SVEP1: variants seen among roughly 807,000 people sequenced by gnomAD.
SVEP1 encodes sushi, von Willebrand factor type A, EGF and pentraxin domain-containing protein 1.
Under a neutral mutation model 367.3 loss-of-function variants are expected in SVEP1, and 164 were observed. That is an observed-to-expected ratio of 0.45 (90% CI 0.39 to 0.51). The LOEUF (loss-of-function observed/expected upper bound fraction) is 0.51, where lower values mean the gene tolerates loss of function less well. SVEP1 is among the 20% of genes least tolerant of loss of function. The pLI, the probability that SVEP1 is intolerant of heterozygous loss-of-function variation, is 0.00. For synonymous variants in SVEP1, 1,666 were observed against 1,611.6 expected (o/e 1.03, Z -0.81); for missense variants, 4,117 against 4,425.3 (o/e 0.93, Z 1.98).
chr9:110,411,033 C>T lies in SVEP1; in HGVS notation c.6648+30G>A, dbSNP rs368754903. On this transcript the variant is annotated intron_variant, in intron 37 of 47. Transcript: ENST00000374469. ...TTTATTATGGGCCCTGTGACAAAAG[C>T]CACAGACCATTTGCTAATTGGTCTC... 7.2e-6 allele frequency: 11 copies of T among 1,520,312 alleles called. No individual in the cohort carries two copies. The African/African-American group carries it at 1.5e-4, about 21-fold the overall frequency. The allele number at this position is 1,520,312 out of a possible 1,614,324, so 94.2% of individuals were successfully genotyped here. A position where few individuals can be genotyped will look rare whatever the true frequency, so the allele number is the denominator to read the frequency against.
chr9:110,409,560 G>A (rs922873854), intron 37 of SVEP1, among the ~76,000 whole-genome samples: 4 of 152,098 alleles, frequency 2.6e-5, no homozygotes, highest in African/African-American at 9.7e-5. Context: ...ATGAGGCAAC[G>A]CTAAAAATGA....
rs1329651754 is a variant in SVEP1, at chr9:110,479,672, T to A, written c.2450A>T (p.Lys817Met). ...ARCDDTDLMK[K>M]FSEAFETTLG... Reference sequence around the variant, plus strand: ...GGTCGTCTCAAATGCTTCAGAAAACTTCTTCATCAGATCTGTGTCATCACA... The same window carrying A: ...GGTCGTCTCAAATGCTTCAGAAAACATCTTCATCAGATCTGTGTCATCACA... The change falls in exon 13 of 48, where the codon AAG (lysine) becomes ATG (methionine). Residue 817 changes from lysine to methionine, a missense_variant. Physicochemically the swap from Lys to Met is moderately conservative, Grantham distance 95. Around this residue, in one of 4 missense-constraint regions of SVEP1, gnomAD observed 2,174 missense variants for 2,494.3 expected, o/e 0.87. Transcript: ENST00000374469. 1 of 1,610,364 alleles carries A rather than the reference T, an allele frequency of 6.2e-7. No homozygotes were observed. The highest frequency in any genetic ancestry group is 1.3e-5 in the African/African-American group (1 of 74,760).
chr9:110,401,895 A>G (rs1431145694), intron 39 of SVEP1, among the ~76,000 whole-genome samples: 1 of 152,062 alleles, frequency 6.6e-6, no homozygotes, highest in Non-Finnish European at 1.5e-5. Flanking sequence ...TATGAATTGG[A>G]TAACAGTGTT....
chr9:110,411,305 G>A lies in SVEP1; in HGVS notation c.6406C>T (p.Pro2136Ser). Residue 2136 changes from proline to serine, a missense_variant, in exon 37 of 48, where the codon CCC becomes TCC. By Grantham distance (74) the Pro-to-Ser change is moderately conservative (BLOSUM62 -1). Coordinates refer to ENST00000374469, the MANE Select transcript of SVEP1 (RefSeq NM_153366.4). ...CMRGGQWNPS[P>S]MSIQCIPVRC... ...ACAGGGATGCACTGGATGGACATGG[G>A]GGAAGGGTTCCACTGCCCACCTCTC... is the stretch of plus-strand genomic sequence containing the variant. The A allele has an allele frequency of 6.2e-7, 1 of 1,614,008 alleles. No homozygotes were observed. The highest frequency in any genetic ancestry group is 1.1e-5 in the South Asian group (1 of 91,074).
Position 110,510,473 on chromosome 9 carries a change from T to C in SVEP1, c.1303+2453A>G, listed in dbSNP as rs185624993. Among the ~76,000 whole-genome samples, 446 of 152,292 alleles carry C rather than the reference T, an allele frequency of 2.9e-3. 3 individuals are homozygous for C. The highest frequency in any genetic ancestry group is 2.8e-3 in the Non-Finnish European group (189 of 68,022). ...GGGGGCAGGTCTGCAGATGCACAGA[T>C]GCACGTGTAGAGGTCACCCCATTCA... On this transcript the variant is annotated intron_variant, in intron 5 of 47. Coordinates refer to ENST00000374469, the MANE Select transcript of SVEP1 (RefSeq NM_153366.4).
intron 43 of SVEP1, 97 bp downstream of exon 43, chr9:110,385,801 G>T: frequency 7.8e-7 from 1 of 1,276,964 alleles, no homozygotes; most frequent in Non-Finnish European, 1.1e-6. Context: ...AGAGATCTAA[G>T]TATCTACAAC....
chr9:110,518,422 A>C (rs1829836374), intron 3 of SVEP1, among the ~76,000 whole-genome samples: 2 of 137,496 alleles, frequency 1.5e-5, no homozygotes, highest in African/African-American at 2.7e-5. Context: ...ACTCCATCTC[A>C]AAAAAAAAAA....
rs1427177370 is a variant in SVEP1 at position 110,550,064 on chromosome 9, A to C, written c.572T>G (p.Val191Gly). ...LHARENSTKV[V>G]FLITDGYSNG... is the part of the protein sequence containing the mutation. ...GGAATATCCATCAGTGATGAGAAATACAACTTTTGTTGAGTTTTCTCTAGC... is the reference window on the plus strand; with the variant it reads ...GGAATATCCATCAGTGATGAGAAATCCAACTTTTGTTGAGTTTTCTCTAGC... The change falls in exon 2 of 48, where the codon GTA becomes GGA. Residue 191 changes from valine to glycine, a missense_variant. Around this residue, in one of 4 missense-constraint regions of SVEP1, gnomAD observed 2,174 missense variants for 2,494.3 expected, o/e 0.87. Transcript: ENST00000374469. 1 of 1,613,990 alleles carries C rather than the reference A, an allele frequency of 6.2e-7. No individual in the cohort carries two copies. The highest frequency in any genetic ancestry group is 8.5e-7 in the Non-Finnish European group (1 of 1,179,870).
At chr9:110,578,832 A>T (rs2084515205) in intron 1 of SVEP1, among the ~76,000 whole-genome samples, 181 bp downstream of exon 1, 1 of 152,098 alleles carries the variant, frequency 6.6e-6, no homozygotes, top group Non-Finnish European at 1.5e-5. Flanking sequence ...CCATTATCCC[A>T]TTGGAACCTC....
chr9:110,484,826 T>G (rs773890587), intron 9 of SVEP1, among the ~76,000 whole-genome samples: 1 of 151,510 alleles, frequency 6.6e-6, no homozygotes, highest in African/African-American at 2.4e-5. Flanking sequence ...AACAAACATA[T>G]GAAAAAAAGC....
chr9:110,565,173 T>C (rs1385737192), intron 1 of SVEP1, among the ~76,000 whole-genome samples: 1 of 152,148 alleles, frequency 6.6e-6, no homozygotes, highest in Non-Finnish European at 1.5e-5. Flanking sequence ...ATGGGCAGTG[T>C]ATGAAAAGAA....
chr9:110,535,609 C>T (rs1830069521), intron 3 of SVEP1, among the ~76,000 whole-genome samples: 1 of 151,882 alleles, frequency 6.6e-6, no homozygotes, highest in Non-Finnish European at 1.5e-5. Context: ...GGAGGTATGG[C>T]CATAGTAATA....
At chr9:110,423,136 T>TA (rs367835046) in intron 36 of SVEP1, among the ~76,000 whole-genome samples, 226 of 73,062 alleles carry the variant, frequency 3.1e-3, no homozygotes, top group Non-Finnish European at 5.0e-3. Context: ...ATAATAATAA[T>TA]AAAAAAAAAA....
chr9:110,430,769 C>A (rs954901), intron 32 of SVEP1, among the ~76,000 whole-genome samples: 22,740 of 152,202 alleles, frequency 0.15, 2,268 homozygotes, highest in East Asian at 0.43. Flanking sequence ...TAGCCTCTTT[C>A]ATCTGTTCCC....
At chr9:110,471,827 T>C (rs1302224196) in intron 15 of SVEP1, among the ~76,000 whole-genome samples, 1 of 152,222 alleles carries the variant, frequency 6.6e-6, no homozygotes, top group Non-Finnish European at 1.5e-5. Flanking sequence ...ATACAATTTG[T>C]TTCAGTCCTC....
At chr9:110,416,986 C>T (rs1463174802) in intron 36 of SVEP1, among the ~76,000 whole-genome samples, 2 of 151,986 alleles carry the variant, frequency 1.3e-5, no homozygotes, top group Non-Finnish European at 2.9e-5. Flanking sequence ...CCTTGGAGGG[C>T]AATATTGTCC....
chr9:110,536,487 T>C (rs1158671879), intron 3 of SVEP1, among the ~76,000 whole-genome samples: 2 of 152,004 alleles, frequency 1.3e-5, no homozygotes, highest in African/African-American at 4.8e-5. Context: ...TCAACATACA[T>C]ATATAACTAA....
chr9:110,449,591 G>T (rs1018071104), intron 24 of SVEP1, among the ~76,000 whole-genome samples: 12 of 152,188 alleles, frequency 7.9e-5, no homozygotes, highest in African/African-American at 2.9e-4. Context: ...GTTGAGGCAG[G>T]AGAATCGCTT....
intron 3 of SVEP1, among the ~76,000 whole-genome samples, chr9:110,534,930 A>G (rs1359422616): frequency 6.6e-6 from 1 of 152,054 alleles, no homozygotes; most frequent in East Asian, 1.9e-4. Context: ...CCTTTGTCAG[A>G]TGCAGCATTT....
Sources: allele counts gnomAD v4.1 joint callset (sites outside exome capture counted in the v4.1 genomes callset), GRCh38; gene constraint gnomAD v4.1.1; regional missense constraint gnomAD v4.1.1; transcripts MANE v1.5; gene names NCBI Gene and HGNC (gene_info 2026-07-23, HGNC 2026-07-21).